The following CHID1 variants were observed in gnomAD, a reference collection of about 807,000 sequenced individuals.
The protein encoded by CHID1 is chitinase domain containing 1.
In CHID1, 44 loss-of-function variants were observed where a neutral mutation model predicts 55.4. The observed-to-expected ratio is 0.79, with a 90% CI of 0.62 to 1.02. The LOEUF (loss-of-function observed/expected upper bound fraction) is 1.02, where lower values mean the gene tolerates loss of function less well. Ranked by LOEUF, CHID1 falls within the 50% of genes least tolerant of loss-of-function variation. The probability of loss-of-function intolerance (pLI) is 0.00; values close to 1 mark genes in which losing one functional copy is unlikely to be tolerated. For synonymous variants in CHID1, 216 were observed against 212.9 expected, an observed-to-expected ratio of 1.01 and a Z score of -0.13; for missense variants, 491 against 515.3, an observed-to-expected ratio of 0.95 and a Z score of 0.46.
chr11:899,465 G>T, intron 6 of CHID1, 64 bp from the exon 7 acceptor site: 1 of 1,460,626 alleles, frequency 6.8e-7, no homozygotes, highest in East Asian at 2.4e-5. Flanking sequence ...GGAAAGACAA[G>T]AAGCCCGCCA....
chr11:900,237 G>A, intron 5 of CHID1, 127 bp from the exon 6 acceptor site: 5 of 688,270 alleles, frequency 7.3e-6, no homozygotes, highest in Non-Finnish European at 1.0e-5. Flanking sequence ...GTGAGGGGCA[G>A]GGAGGCCACC....
rs144876874 is a variant in CHID1 at position 884,002 on chromosome 11, A to G, written c.803+66T>C. ...CATCAGCTGTGCCCAGGAGCCCCCC[A>G]GGTCCACACTCACTGCTGCACTGTG... On this transcript the variant is annotated intron_variant, in intron 9 of 12. Coordinates refer to ENST00000323578, the MANE Select transcript of CHID1 (RefSeq NM_023947.4). The G allele has an allele frequency of 9.3e-3, 11,803 of 1,265,822 alleles. 73 individuals carry two copies. The highest frequency in any genetic ancestry group is 0.024 in the Middle Eastern group (130 of 5,318). The allele number at this position is 1,265,822 out of a possible 1,614,324, so 78.4% of individuals were successfully genotyped here.
chr11:898,091 C>T (rs1408268747), intron 7 of CHID1, among the ~76,000 whole-genome samples: 1 of 152,204 alleles, frequency 6.6e-6, no homozygotes, highest in African/African-American at 2.4e-5. Context: ...GGGCCTGTAC[C>T]GGCTCCAGGC....
rs115521021 is a variant in CHID1 at position 873,556 on chromosome 11, G to A, written c.960-3057C>T. On this transcript the variant is annotated intron_variant, in intron 10 of 12. Transcript: ENST00000323578. ...GTGAAAGTCCGAGAGTGGGTGCAGG[G>A]AGCACTGCAGGAGCCCAAGGGAGGG... 2.4e-3 allele frequency among the ~76,000 whole-genome samples: 359 copies of A among 152,196 alleles called. 1 individual carries two copies. Among genetic ancestry groups the A allele is most frequent in the African/African-American group, 8.4e-3 (348 of 41,520 alleles).
intron 3 of CHID1, 86 bp from the exon 4 acceptor site, chr11:902,416 G>C: frequency 6.6e-7 from 1 of 1,507,218 alleles, no homozygotes; most frequent in South Asian, 1.2e-5. Context: ...GCCTCTGGAC[G>C]TGCCCAGGGC....
intron 10 of CHID1, among the ~76,000 whole-genome samples, chr11:881,741 C>T (rs959095279): frequency 1.3e-5 from 2 of 152,066 alleles, no homozygotes; most frequent in Admixed American, 6.5e-5. Flanking sequence ...GGGGCTCACA[C>T]CTGTCATCCC....
upstream of CHID1, chr11:910,903 C>T: frequency 1.0e-6 from 1 of 980,680 alleles, no homozygotes. Flanking sequence ...AGGGGCTGGG[C>T]CAGGACAGGG....
At chr11:887,430 C>T (rs1460365274) in intron 8 of CHID1, among the ~76,000 whole-genome samples, 2 of 152,196 alleles carry the variant, frequency 1.3e-5, no homozygotes, top group African/African-American at 2.4e-5. Flanking sequence ...GTCCACCTGG[C>T]GAGAGGCTGG....
chr11:896,886 C>G (rs1208150818), intron 7 of CHID1, among the ~76,000 whole-genome samples: 15 of 64,856 alleles, frequency 2.3e-4, no homozygotes, highest in South Asian at 1.4e-3. Flanking sequence ...CAGACACGAG[C>G]CTGTCTCAGC....
chr11:886,394 G>A (rs1286250523), intron 8 of CHID1, among the ~76,000 whole-genome samples: 2 of 152,086 alleles, frequency 1.3e-5, no homozygotes, highest in Non-Finnish European at 2.9e-5. Flanking sequence ...AGGAGGTGGA[G>A]GCTGCCGTGA....
chr11:902,119 C>T (rs1276206755), intron 4 of CHID1, 79 bp downstream of exon 4: 4 of 1,557,062 alleles, frequency 2.6e-6, no homozygotes, highest in African/African-American at 1.4e-5. Flanking sequence ...TACCTACTCA[C>T]ACACACACAC....
chr11:891,884 G>A (rs1236721989), intron 8 of CHID1, among the ~76,000 whole-genome samples: 4 of 146,630 alleles, frequency 2.7e-5, no homozygotes, highest in South Asian at 2.1e-4. Flanking sequence ...TGGGATGATC[G>A]CTTGAGCCCA....
intron 8 of CHID1, among the ~76,000 whole-genome samples, chr11:891,938 CAAAAA>C (rs57065345): frequency 5.8e-5 from 6 of 102,932 alleles, no homozygotes; most frequent in Non-Finnish European, 9.0e-5. Context: ...ACCTCATTTC[CAAAAA>C]AAAAAAAAAA....
chr11:889,231 C>T (rs981387243), intron 8 of CHID1, among the ~76,000 whole-genome samples: 3 of 152,152 alleles, frequency 2.0e-5, no homozygotes, highest in Non-Finnish European at 2.9e-5. Context: ...GTACCCACAC[C>T]GTCCCTCCAG....
At chr11:902,440 C>T in intron 3 of CHID1, 110 bp from the exon 4 acceptor site, 1 of 1,234,976 alleles carries the variant, frequency 8.1e-7, no homozygotes, top group Non-Finnish European at 1.2e-6. Flanking sequence ...CCAGCGTAGA[C>T]AGATACCAGC....
chr11:872,123 C>T (rs534912892), intron 10 of CHID1, among the ~76,000 whole-genome samples: 42 of 152,288 alleles, frequency 2.8e-4, no homozygotes, highest in African/African-American at 1.0e-3. Flanking sequence ...AAACAGCATT[C>T]GGGCAGCCTC....
intron 1 of CHID1, chr11:908,624 T>C: frequency 1.0e-6 from 1 of 985,376 alleles, no homozygotes; most frequent in Non-Finnish European, 1.2e-6. Context: ...ACTGGCTCCT[T>C]CTCTGTCTTC....
intron 1 of CHID1, chr11:908,695 A>T: frequency 1.2e-6 from 1 of 803,862 alleles, no homozygotes; most frequent in Non-Finnish European, 1.5e-6. Context: ...GTGGTTCTCC[A>T]GGGGACTGGC....
intron 1 of CHID1, chr11:908,245 A>T (rs1030197149): frequency 6.6e-6 from 1 of 152,356 alleles, no homozygotes; most frequent in African/African-American, 2.4e-5. Context: ...CAGTACATGG[A>T]GCCACAGGCA....
Sources: gnomAD v4.1 joint callset for allele counts (sites outside exome capture counted in the v4.1 genomes callset) on GRCh38, gnomAD v4.1.1 for gene constraint, MANE v1.5 for transcripts, NCBI Gene and HGNC (gene_info 2026-07-23, HGNC 2026-07-21) for gene names.